The following MYH14 variants were observed in gnomAD, a reference collection of about 807,000 sequenced individuals.
MYH14 encodes myosin heavy chain 14.
A neutral mutation model predicts 255.5 loss-of-function variants in MYH14; 123 were observed. The ratio of observed to expected loss-of-function variants is 0.48; its 90% CI spans 0.42 to 0.56. The LOEUF is 0.56. MYH14 is among the 20% of genes least tolerant of loss of function. MYH14 has a pLI of 0.00. For synonymous variants in MYH14, 1,095 were observed against 1,161.2 expected (o/e 0.94, Z 1.16); for missense variants, 2,423 against 2,802.3 (o/e 0.86, Z 3.06).
intron 10 of MYH14, among the ~76,000 whole-genome samples, chr19:50,240,741 AG>A: frequency 6.6e-6 from 1 of 152,314 alleles, no homozygotes; most frequent in Admixed American, 6.5e-5. Flanking sequence ...GTTGGAGACC[AG>A]CCTGGGCAAC....
Position 50,290,275 on chromosome 19 carries a change from C to G in MYH14, c.4966-612C>G, listed in dbSNP as rs1054515602. On this transcript the variant is annotated intron_variant, in intron 35 of 42. Coordinates refer to ENST00000642316, the MANE Select transcript of MYH14 (RefSeq NM_001145809.2). ...CCCTCCCCTCCATCCACATCCTTCCCCAATCCAGTCAGTCATCGCTCCCTC... is the reference window on the plus strand; with the variant it reads ...CCCTCCCCTCCATCCACATCCTTCCGCAATCCAGTCAGTCATCGCTCCCTC... Among the ~76,000 whole-genome samples, 62 of 152,140 alleles carry G rather than the reference C, an allele frequency of 4.1e-4. 1 individual carries two copies. The highest frequency in any genetic ancestry group is 1.4e-3 in the African/African-American group (60 of 41,426).
intron 10 of MYH14, among the ~76,000 whole-genome samples, chr19:50,238,078 T>C (rs914192747): frequency 6.6e-6 from 1 of 152,202 alleles, no homozygotes; most frequent in African/African-American, 2.4e-5. Flanking sequence ...TCCTTCCCCA[T>C]TTTACATCTC....
chr19:50,287,404 GTTTGTTTTTTGT>G (rs1394448510), intron 34 of MYH14, among the ~76,000 whole-genome samples: 2 of 152,148 alleles, frequency 1.3e-5, no homozygotes, highest in African/African-American at 2.4e-5. Flanking sequence ...ACTTGTTTTT[GTTTGTTTTTTGT>G]TTTGTTTTAT....
At chr19:50,234,385 A>G (rs2033559508) in intron 10 of MYH14, among the ~76,000 whole-genome samples, 2 of 152,144 alleles carry the variant, frequency 1.3e-5, no homozygotes, top group South Asian at 4.1e-4. Flanking sequence ...TTCTGGGCTG[A>G]GCCAGGGCCG....
chr19:50,238,547 G>A (rs374765973), intron 10 of MYH14, among the ~76,000 whole-genome samples: 6 of 151,960 alleles, frequency 3.9e-5, no homozygotes, highest in East Asian at 1.9e-4. Flanking sequence ...CACCTCCCTG[G>A]TTCAAGCAAT....
chr19:50,220,360 T>G (rs1026768578), intron 3 of MYH14, among the ~76,000 whole-genome samples: 1 of 42,576 alleles, frequency 2.3e-5, no homozygotes, highest in African/African-American at 3.8e-5. Context: ...TTTTATTTTA[T>G]TATACTTTAT....
Position 50,268,151 on chromosome 19 carries a change from C to T in MYH14, c.2827-10C>T, listed in dbSNP as rs2035159104. ...GCCTGCTGACCACTAACCTCCCACA[C>T]ACTCCCCAGCTGGAAGAGGAGCGCG... On this transcript the variant is annotated splice_polypyrimidine_tract_variant and intron_variant, in intron 23 of 42. Coordinates refer to ENST00000642316, the MANE Select transcript of MYH14 (RefSeq NM_001145809.2). 1 of 1,540,246 alleles carries T rather than the reference C, an allele frequency of 6.5e-7. No homozygotes were observed. Among genetic ancestry groups the T allele is most frequent in the East Asian group, 2.4e-5 (1 of 40,840 alleles).
rs2035665873 is a variant in MYH14, at chr19:50,280,237, C to T, written c.4144C>T (p.Leu1382=). ...CCGTCTCCTCCATCTACAGGAGCTG[C>T]TGCAGGAGGAGACCAGGGCGAAATT... ...EAQLHDAQEL[L]QEETRAKLAL... Residue 1382 remains leucine (L), a synonymous_variant, in exon 32 of 43, where the codon CTG becomes TTG. Coordinates refer to ENST00000642316, the MANE Select transcript of MYH14 (RefSeq NM_001145809.2). This position sits in a 1 kb window ranked among gnomAD's most constrained non-coding sequence, Gnocchi z 4.8. 4 of 1,552,064 alleles carry T rather than the reference C, an allele frequency of 2.6e-6. No homozygotes were observed. The highest frequency in any genetic ancestry group is 3.5e-6 in the Non-Finnish European group (4 of 1,147,264).
chr19:50,259,120 C>G (rs750398350), intron 18 of MYH14, 24 bp from the exon 19 acceptor site: 4 of 1,541,810 alleles, frequency 2.6e-6, no homozygotes, highest in Non-Finnish European at 3.5e-6. Flanking sequence ...CGCTGACCCC[C>G]GCGTGTCCGT....
chr19:50,263,915 G>T (rs141414531), intron 22 of MYH14, among the ~76,000 whole-genome samples: 1 of 151,960 alleles, frequency 6.6e-6, no homozygotes, highest in African/African-American at 2.4e-5. Flanking sequence ...AAATTAGCTG[G>T]GCATGGTGGC....
intron 21 of MYH14, among the ~76,000 whole-genome samples, chr19:50,262,126 G>A (rs578250835): frequency 1.3e-5 from 2 of 152,152 alleles, no homozygotes; most frequent in African/African-American, 4.8e-5. Context: ...AGGCCACACC[G>A]GACAAGCAGG....
rs371242797 is a variant in MYH14 at position 50,289,556 on chromosome 19, G to A, written c.4873G>A (p.Val1625Met). ...AAEDAKLRLE[V>M]TVQALKTQHE... ...CGAGGATGCCAAGCTGCGTCTGGAGGTGACTGTGCAGGCTCTCAAGACTCA... is the reference window on the plus strand; with the variant it reads ...CGAGGATGCCAAGCTGCGTCTGGAGATGACTGTGCAGGCTCTCAAGACTCA... The change falls in exon 35 of 43, where the codon GTG (valine) becomes ATG (methionine). Residue 1625 changes from valine to methionine, a missense_variant. Physicochemically the swap from Val to Met is conservative, Grantham distance 21 (BLOSUM62 1). Around this residue, in one of 3 missense-constraint regions of MYH14, gnomAD observed 1,513 missense variants for 1,674.8 expected, o/e 0.90. Transcript: ENST00000642316. 36 of 1,613,020 alleles carry A rather than the reference G, an allele frequency of 2.2e-5. No homozygotes were observed. Among genetic ancestry groups the A allele is most frequent in the African/African-American group, 5.3e-5 (4 of 74,908 alleles).
intron 40 of MYH14, among the ~76,000 whole-genome samples, chr19:50,304,614 A>C (rs562444516): frequency 4.2e-4 from 64 of 152,252 alleles, no homozygotes; most frequent in African/African-American, 1.4e-3. Context: ...TGTACTGTTT[A>C]CCTTCCCATG....
intron 2 of MYH14, among the ~76,000 whole-genome samples, chr19:50,216,332 G>A (rs1016360712): frequency 5.3e-5 from 8 of 152,058 alleles, no homozygotes; most frequent in Non-Finnish European, 8.8e-5. Context: ...ACCAGGTGCG[G>A]TGACTCAAGC....
intron 1 of MYH14, among the ~76,000 whole-genome samples, chr19:50,204,185 G>C (rs1042923362): frequency 6.6e-6 from 1 of 151,960 alleles, no homozygotes; most frequent in Non-Finnish European, 1.5e-5. Context: ...GTGTTGACTC[G>C]AGGTGAGTTA....
chr19:50,278,207 T>C lies in MYH14; in HGVS notation c.3950T>C (p.Leu1317Ser). ...EGEQRRRRLE[L>S]QLQEVQGRAG... ...GAGCAGCGGAGGCGCCGCCTGGAGT[T>C]ACAGCTGCAGGAGGTGCAGGGCCGG... Residue 1317 changes from leucine to serine, a missense_variant, in exon 30 of 43, where the codon TTA (leucine) becomes TCA (serine). Coordinates refer to ENST00000642316, the MANE Select transcript of MYH14 (RefSeq NM_001145809.2). 1 of 1,608,784 alleles carries C rather than the reference T, an allele frequency of 6.2e-7. No individual in the cohort carries two copies. The highest frequency in any genetic ancestry group is 1.7e-4 in the Middle Eastern group (1 of 5,736).
Position 50,266,745 on chromosome 19 carries a change from T to C in MYH14, c.2695-132T>C. 1 of 1,173,416 alleles carries C rather than the reference T, an allele frequency of 8.5e-7. No homozygotes were observed. The highest frequency in any genetic ancestry group is 1.2e-6 in the Non-Finnish European group (1 of 822,738). The allele number at this position is 1,173,416 out of a possible 1,614,324, so 72.7% of individuals were successfully genotyped here. A position where few individuals can be genotyped will look rare whatever the true frequency, so the allele number is the denominator to read the frequency against. On this transcript the variant is annotated intron_variant, in intron 22 of 42. Transcript: ENST00000642316. The surrounding 1 kb of genome is among the most constrained non-coding windows in gnomAD (Gnocchi z 4.1). The stretch of plus-strand genomic sequence containing the variant: ...GTGTTCTAGGCCTGTGACCAGGGAC[T>C]GTTGCCAAGGCGGGGACACACAGCT...
At chr19:50,246,937 T>C in intron 11 of MYH14, 67 bp from the exon 12 acceptor site, 2 of 1,152,234 alleles carry the variant, frequency 1.7e-6, no homozygotes, top group Non-Finnish European at 2.5e-6. Flanking sequence ...AACGGTACCC[T>C]CTCCCTTGCT....
intron 39 of MYH14, among the ~76,000 whole-genome samples, chr19:50,295,454 C>A (rs2036236266): frequency 6.6e-6 from 1 of 151,948 alleles, no homozygotes; most frequent in Non-Finnish European, 1.5e-5. Context: ...CCAGCCTGGG[C>A]AACACAGTGA....
Sources: gnomAD v4.1 joint callset for allele counts (sites outside exome capture counted in the v4.1 genomes callset) on GRCh38, gnomAD v4.1.1 for gene constraint, gnomAD v4.1.1 regional missense constraint, Gnocchi (gnomAD v3.1) non-coding constraint, MANE v1.5 for transcripts, NCBI Gene and HGNC (gene_info 2026-07-23, HGNC 2026-07-21) for gene names.